The following GRIK1 variants were observed in gnomAD, a reference collection of about 807,000 sequenced individuals.
GRIK1 encodes glutamate receptor ionotropic, kainate 1.
Under a neutral mutation model 105.7 loss-of-function variants are expected in GRIK1, and 69 were observed. The ratio of observed to expected loss-of-function variants is 0.65; its 90% CI spans 0.54 to 0.80. The LOEUF is 0.80. GRIK1 is among the 30% of genes least tolerant of loss of function. GRIK1 has a pLI of 0.00. For synonymous variants in GRIK1, 438 were observed against 431.3 expected, an observed-to-expected ratio of 1.02 and a Z score of -0.19; for missense variants, 1,109 against 1,167.3, an observed-to-expected ratio of 0.95 and a Z score of 0.73.
At chr21:29,607,679 C>T (rs554671200) in intron 7 of GRIK1, among the ~76,000 whole-genome samples, 3 of 152,056 alleles carry the variant, frequency 2.0e-5, no homozygotes, top group Non-Finnish European at 4.4e-5. Flanking sequence ...CATTACATAT[C>T]TCTCCCTTAA....
chr21:29,734,012 G>A (rs560850653), intron 1 of GRIK1, among the ~76,000 whole-genome samples: 2 of 152,066 alleles, frequency 1.3e-5, no homozygotes, highest in South Asian at 2.1e-4. Flanking sequence ...GTAAGTTTGT[G>A]TAATTCAATT....
chr21:29,854,445 G>A (rs1393420045), intron 1 of GRIK1, among the ~76,000 whole-genome samples: 2 of 152,116 alleles, frequency 1.3e-5, no homozygotes, highest in South Asian at 2.1e-4. Context: ...CAAACACTTG[G>A]CAGATGAGCT....
intron 1 of GRIK1, among the ~76,000 whole-genome samples, chr21:29,774,269 C>A (rs141592015): frequency 1.3e-5 from 2 of 152,134 alleles, no homozygotes; most frequent in African/African-American, 4.8e-5. Context: ...CATATGAATA[C>A]AACTTCAACA....
chr21:29,869,094 G>A (rs1009469426), intron 1 of GRIK1, among the ~76,000 whole-genome samples: 1 of 152,208 alleles, frequency 6.6e-6, no homozygotes, highest in Admixed American at 6.5e-5. Context: ...GTTCACTTGG[G>A]GAAAATTCTG....
chr21:29,847,146 TAGA>T (rs553113604), intron 1 of GRIK1, among the ~76,000 whole-genome samples: 458 of 152,310 alleles, frequency 3.0e-3, no homozygotes, highest in African/African-American at 0.01. Flanking sequence ...TAAGGCTTGC[TAGA>T]GGTATAATTC....
chr21:29,550,899 C>T (rs1468896845), intron 16 of GRIK1, among the ~76,000 whole-genome samples: 1 of 152,050 alleles, frequency 6.6e-6, no homozygotes. Flanking sequence ...TGTATAAAGT[C>T]CATAATATTA....
chr21:29,623,940 C>T (rs912138366), intron 7 of GRIK1, among the ~76,000 whole-genome samples: 2 of 152,134 alleles, frequency 1.3e-5, no homozygotes, highest in Non-Finnish European at 2.9e-5. Flanking sequence ...ATCTTGTTGA[C>T]ATAATGTGGA....
chr21:29,822,187 T>C (rs1161073292), intron 1 of GRIK1, among the ~76,000 whole-genome samples: 1 of 152,052 alleles, frequency 6.6e-6, no homozygotes, highest in Non-Finnish European at 1.5e-5. Flanking sequence ...CAGTCACTAA[T>C]GCAACCATTC....
chr21:29,791,412 A>G (rs2066411146), intron 1 of GRIK1, among the ~76,000 whole-genome samples: 1 of 152,050 alleles, frequency 6.6e-6, no homozygotes, highest in South Asian at 2.1e-4. Flanking sequence ...GTGGTTTAGT[A>G]CTATGATTGC....
intron 3 of GRIK1, among the ~76,000 whole-genome samples, chr21:29,683,992 T>C (rs2063431700): frequency 6.6e-6 from 1 of 152,224 alleles, no homozygotes; most frequent in Non-Finnish European, 1.5e-5. Flanking sequence ...CAAACGTTAT[T>C]TTCTAGAGCA....
At chr21:29,732,563 A>C (rs1192856336) in intron 1 of GRIK1, among the ~76,000 whole-genome samples, 1 of 152,184 alleles carries the variant, frequency 6.6e-6, no homozygotes, top group African/African-American at 2.4e-5. Context: ...AAGATAGAGA[A>C]GTTTTAAGTT....
intron 1 of GRIK1, among the ~76,000 whole-genome samples, chr21:29,713,167 T>C (rs2064098428): frequency 6.6e-6 from 1 of 152,048 alleles, no homozygotes; most frequent in East Asian, 1.9e-4. Context: ...CTATATCCAG[T>C]GATAAGAGTG....
chr21:29,815,179 A>G (rs2067122695), intron 1 of GRIK1, among the ~76,000 whole-genome samples: 1 of 152,152 alleles, frequency 6.6e-6, no homozygotes, highest in Non-Finnish European at 1.5e-5. Context: ...TTGTAAAAAG[A>G]GTACATAAGA....
At chr21:29,897,083 C>T (rs2070195709) in intron 1 of GRIK1, among the ~76,000 whole-genome samples, 1 of 152,172 alleles carries the variant, frequency 6.6e-6, no homozygotes, top group Admixed American at 6.5e-5. Flanking sequence ...TTCATATAGT[C>T]CTGTGTGCAT....
chr21:29,928,158 GC>G (rs1569225836), intron 1 of GRIK1, among the ~76,000 whole-genome samples: 1 of 152,198 alleles, frequency 6.6e-6, no homozygotes, highest in Non-Finnish European at 1.5e-5. Context: ...CCACAGATAA[GC>G]AAAAACATCC....
chr21:29,602,298 C>T (rs1229922553), intron 7 of GRIK1, among the ~76,000 whole-genome samples: 2 of 152,168 alleles, frequency 1.3e-5, no homozygotes, highest in Non-Finnish European at 2.9e-5. Context: ...ACTCAAATTT[C>T]AATGTAAAAC....
At chr21:29,560,519 C>CCTTTCTTTCTTTCTTTCTTTCTTT (rs1201508832) in intron 15 of GRIK1, among the ~76,000 whole-genome samples, 9 of 57,828 alleles carry the variant, frequency 1.6e-4, no homozygotes, top group East Asian at 4.4e-4. Flanking sequence ...TTCCTTCCTT[C>CCTTTCTTTCTTTCTTTCTTTCTTT]CTTTCTTTCT....
At chr21:29,908,228 A>T (rs1159649437) in intron 1 of GRIK1, among the ~76,000 whole-genome samples, 1 of 142,530 alleles carries the variant, frequency 7.0e-6, no homozygotes, top group African/African-American at 2.8e-5. Flanking sequence ...TTTTATTTAC[A>T]CAGAAATGTA....
chr21:29,739,508 G>T (rs1168825370), intron 1 of GRIK1, among the ~76,000 whole-genome samples: 1 of 152,164 alleles, frequency 6.6e-6, no homozygotes, highest in East Asian at 1.9e-4. Context: ...AAGAAGTCTA[G>T]GGAGAGATAA....
Sources: gnomAD v4.1 joint callset for allele counts (sites outside exome capture counted in the v4.1 genomes callset) on GRCh38, gnomAD v4.1.1 for gene constraint, MANE v1.5 for transcripts, NCBI Gene and HGNC (gene_info 2026-07-23, HGNC 2026-07-21) for gene names.